The following DEUP1 variants were observed in gnomAD, a reference collection of about 807,000 sequenced individuals.
The protein encoded by DEUP1 is coiled-coil domain containing 67.
DEUP1 carries 82 observed loss-of-function variants against 87.4 expected under a neutral mutation model. The observed-to-expected ratio is 0.94, with a 90% CI of 0.78 to 1.13. The LOEUF (loss-of-function observed/expected upper bound fraction) is 1.13, where lower values mean the gene tolerates loss of function less well. DEUP1 is among the 50% of genes most tolerant of loss of function. DEUP1 has a pLI of 0.00. For missense variants in DEUP1, 663 were observed against 681.5 expected (o/e 0.97, Z 0.30); for synonymous variants, 214 against 222.7 (o/e 0.96, Z 0.35).
chr11:93,370,007 C>A (rs1041429631), intron 5 of DEUP1, 66 bp from the exon 6 acceptor site: 5 of 742,338 alleles, frequency 6.7e-6, no homozygotes, highest in African/African-American at 1.8e-5. Context: ...ATGAAAGAAG[C>A]CTTATTTGCT....
intron 12 of DEUP1, among the ~76,000 whole-genome samples, chr11:93,413,134 T>G (rs114531501): frequency 2.6e-3 from 393 of 152,286 alleles, no homozygotes; most frequent in African/African-American, 9.1e-3. Flanking sequence ...TAAATTAAAC[T>G]ATGAAGGCTT....
intron 4 of DEUP1, among the ~76,000 whole-genome samples, chr11:93,361,619 A>G (rs1034434504): frequency 5.9e-5 from 9 of 152,014 alleles, no homozygotes; most frequent in Admixed American, 2.6e-4. Context: ...AGCAACCACT[A>G]AAAAAGATCT....
At chr11:93,364,098 A>G (rs562640304) in intron 4 of DEUP1, 62 bp from the exon 5 acceptor site, 1 of 1,221,232 alleles carries the variant, frequency 8.2e-7, no homozygotes, top group African/African-American at 1.5e-5. Flanking sequence ...AAAGAGATAT[A>G]GTGAAATCAG....
chr11:93,434,492 G>A lies in DEUP1; in HGVS notation c.1639-3051G>A, dbSNP rs115248218. ...ACACATTCCTCACTGCCTCTGTTAT[G>A]CAGTAGCAATCTTAACTCTTCAGGA... On this transcript the variant is annotated intron_variant, in intron 13 of 13. Transcript: ENST00000298050. Among the ~76,000 whole-genome samples, 1,159 of 152,286 alleles carry A rather than the reference G, an allele frequency of 7.6e-3. 15 individuals are homozygous for A. The highest frequency in any genetic ancestry group is 0.027 in the African/African-American group (1,117 of 41,546).
chr11:93,430,576 G>C (rs1948073647), intron 13 of DEUP1, among the ~76,000 whole-genome samples: 1 of 152,120 alleles, frequency 6.6e-6, no homozygotes, highest in African/African-American at 2.4e-5. Flanking sequence ...GGTTACCAGG[G>C]GCAGTGGGGA....
chr11:93,418,732 C>T (rs1295022905), intron 13 of DEUP1, among the ~76,000 whole-genome samples: 19 of 151,924 alleles, frequency 1.3e-4, no homozygotes, highest in East Asian at 9.7e-4. Flanking sequence ...CACATGCACA[C>T]GTATGTTTAT....
intron 1 of DEUP1, among the ~76,000 whole-genome samples, chr11:93,331,077 GA>G (rs1943449203): frequency 6.6e-6 from 1 of 152,228 alleles, no homozygotes; most frequent in African/African-American, 2.4e-5. Context: ...ACGTTTAAGT[GA>G]GATATTTGAG....
At chr11:93,415,513 A>G (rs1591253869) in intron 13 of DEUP1, among the ~76,000 whole-genome samples, 2 of 151,956 alleles carry the variant, frequency 1.3e-5, no homozygotes, top group African/African-American at 4.8e-5. Context: ...GTGTAGACAC[A>G]GGTACAAATC....
intron 11 of DEUP1, among the ~76,000 whole-genome samples, chr11:93,401,023 G>A (rs1468241678): frequency 1.3e-5 from 2 of 152,096 alleles, no homozygotes; most frequent in African/African-American, 2.4e-5. Flanking sequence ...GTTCACAGAC[G>A]ATATGATCTT....
intron 12 of DEUP1, among the ~76,000 whole-genome samples, chr11:93,411,588 G>A (rs1229793849): frequency 2.0e-5 from 3 of 152,154 alleles, no homozygotes; most frequent in Admixed American, 2.0e-4. Flanking sequence ...AGTGAGAGGT[G>A]ATTGAATTTG....
intron 2 of DEUP1, among the ~76,000 whole-genome samples, chr11:93,344,051 T>A (rs1009248766): frequency 6.6e-6 from 1 of 152,206 alleles, no homozygotes; most frequent in Non-Finnish European, 1.5e-5. Flanking sequence ...GCTATTTTTG[T>A]CTATGACTCA....
chr11:93,371,093 A>T lies in DEUP1; in HGVS notation c.602A>T (p.Asp201Val), dbSNP rs768206949. 6.2e-7 allele frequency: 1 copy of T among 1,612,558 alleles called. No homozygotes were observed. Among genetic ancestry groups the T allele is most frequent in the Non-Finnish European group, 8.5e-7 (1 of 1,179,056 alleles). Reference protein sequence around the residue: ...QLNGKKQCLEDSSSEIPRLIC... With the variant: ...QLNGKKQCLEVSSSEIPRLIC... ...AATGGTAAAAAACAGTGCTTAGAAG[A>T]CAGCAGCTCTGAAATTCCTCGTTTG... Residue 201 changes from aspartate (D) to valine (V), a missense_variant, in exon 7 of 14, where the codon GAC (aspartate) becomes GTC (valine). Coordinates refer to ENST00000298050, the MANE Select transcript of DEUP1 (RefSeq NM_181645.4).
chr11:93,332,476 A>G (rs1315276186), intron 2 of DEUP1, among the ~76,000 whole-genome samples, 188 bp downstream of exon 2: 1 of 152,216 alleles, frequency 6.6e-6, no homozygotes, highest in East Asian at 1.9e-4. Flanking sequence ...TGATTTTGAC[A>G]CTACAGATCT....
intron 2 of DEUP1, among the ~76,000 whole-genome samples, chr11:93,342,649 T>C (rs1226617417): frequency 6.6e-6 from 1 of 152,196 alleles, no homozygotes; most frequent in East Asian, 1.9e-4. Context: ...GGAAATGTGG[T>C]TGTTTCTTTA....
intron 4 of DEUP1, among the ~76,000 whole-genome samples, chr11:93,358,730 G>A (rs1945015503): frequency 1.3e-5 from 2 of 152,056 alleles, no homozygotes; most frequent in African/African-American, 2.4e-5. Context: ...TTACAGGTGC[G>A]CACCGCCACA....
chr11:93,373,640 T>TGC (rs1565316501), intron 7 of DEUP1, among the ~76,000 whole-genome samples: 6 of 142,358 alleles, frequency 4.2e-5, no homozygotes, highest in African/African-American at 1.5e-4. Flanking sequence ...TATATATATA[T>TGC]ATATATATAT....
At chr11:93,413,480 G>A (rs899702572) in intron 12 of DEUP1, among the ~76,000 whole-genome samples, 1 of 152,146 alleles carries the variant, frequency 6.6e-6, no homozygotes, top group East Asian at 1.9e-4. Context: ...CTGACCTCGT[G>A]ATCTGCCTGC....
intron 2 of DEUP1, among the ~76,000 whole-genome samples, chr11:93,340,716 T>A (rs1386572001): frequency 6.6e-6 from 1 of 152,186 alleles, no homozygotes; most frequent in Non-Finnish European, 1.5e-5. Context: ...GACAATGTTA[T>A]AGATCCTGGA....
chr11:93,437,427 C>G (rs1233947855), intron 13 of DEUP1, 116 bp from the exon 14 acceptor site: 10 of 729,146 alleles, frequency 1.4e-5, no homozygotes, highest in African/African-American at 1.8e-5. Context: ...AGGATGTATT[C>G]TTTCATTAAG....
Sources: gnomAD v4.1 joint callset for allele counts (sites outside exome capture counted in the v4.1 genomes callset) on GRCh38, gnomAD v4.1.1 for gene constraint, MANE v1.5 for transcripts, NCBI Gene and HGNC (gene_info 2026-07-23, HGNC 2026-07-21) for gene names.